ADAMTS19: variants seen among roughly 807,000 people sequenced by gnomAD.
ADAMTS19 encodes the protein ADAM metallopeptidase with thrombospondin type 1 motif 19.
ADAMTS19 carries 93 observed loss-of-function variants against 153.3 expected under a neutral mutation model. The observed-to-expected ratio is 0.61, with a 90% CI of 0.51 to 0.72. The LOEUF (loss-of-function observed/expected upper bound fraction) is 0.72, where lower values mean the gene tolerates loss of function less well. Ranked by LOEUF, ADAMTS19 falls within the 30% of genes least tolerant of loss-of-function variation. The probability of loss-of-function intolerance (pLI) is 0.00; values close to 1 mark genes in which losing one functional copy is unlikely to be tolerated. For missense variants in ADAMTS19, 1,482 were observed against 1,552.1 expected (o/e 0.95, Z 0.76); for synonymous variants, 600 against 556.6 (o/e 1.08, Z -1.10).
intron 2 of ADAMTS19, among the ~76,000 whole-genome samples, chr5:129,494,113 T>G (rs1275306218): frequency 6.6e-6 from 1 of 152,194 alleles, no homozygotes; most frequent in East Asian, 1.9e-4. Flanking sequence ...CCATAAAAAT[T>G]ATATTGCTTT....
chr5:129,639,204 G>A (rs916024366), intron 10 of ADAMTS19, among the ~76,000 whole-genome samples: 1 of 152,256 alleles, frequency 6.6e-6, no homozygotes, highest in Middle Eastern at 3.4e-3. Context: ...CATATGGACA[G>A]TGTTTGTCTC....
At chr5:129,687,606 T>A (rs916420269) in intron 18 of ADAMTS19, among the ~76,000 whole-genome samples, 1 of 152,184 alleles carries the variant, frequency 6.6e-6, no homozygotes, top group African/African-American at 2.4e-5. Flanking sequence ...TTCTTAAACA[T>A]AACTTCTTAA....
chr5:129,477,047 T>G (rs1325329384), intron 2 of ADAMTS19, among the ~76,000 whole-genome samples: 2 of 152,168 alleles, frequency 1.3e-5, no homozygotes, highest in Non-Finnish European at 2.9e-5. Flanking sequence ...TAATAATATA[T>G]ATAGATATAC....
In ADAMTS19 at chr5:129,684,125, C is replaced by T. The variant is rs748344561; in HGVS notation, c.2670C>T (p.Leu890=). Residue 890 remains leucine, a synonymous_variant, in exon 18 of 23, where the codon CTC becomes CTT. Coordinates refer to ENST00000274487, the MANE Select transcript of ADAMTS19 (RefSeq NM_133638.6). ...PTTAPLHLLV[L]LFQDQNYGLH... ...ATCATTTTTGTATACTATAGGTGCT[C>T]CTGTTTCAGGATCAGAATTATGGTC... The T allele has an allele frequency of 3.1e-6, 5 of 1,613,520 alleles. No individual in the cohort carries two copies. In the Admixed American group the frequency reaches 5.0e-5, roughly 16 times the overall value.
chr5:129,585,813 T>C (rs1212188495), intron 7 of ADAMTS19, among the ~76,000 whole-genome samples: 1 of 152,230 alleles, frequency 6.6e-6, no homozygotes, highest in Non-Finnish European at 1.5e-5. Context: ...GCCATTTCAT[T>C]ATTTCCAGCT....
chr5:129,736,323 G>GA (rs1322840712), intron 22 of ADAMTS19, among the ~76,000 whole-genome samples: 1 of 151,984 alleles, frequency 6.6e-6, no homozygotes, highest in Admixed American at 6.6e-5. Context: ...CAATGGTTAG[G>GA]AAAATCTAAG....
chr5:129,658,340 A>AG lies in ADAMTS19; in HGVS notation c.2305-276dup, dbSNP rs1753658745. On this transcript the variant is annotated intron_variant, in intron 14 of 22. Coordinates refer to ENST00000274487, the MANE Select transcript of ADAMTS19 (RefSeq NM_133638.6). The stretch of plus-strand genomic sequence containing the variant: ...AAGAAAGAAAGAAAGAAAGAAAGAA[A>AG]GAAAGAAAGAAAGAAAGAAAGAAAG... Among the ~76,000 whole-genome samples the AG allele has an allele frequency of 2.1e-5, 3 of 144,594 alleles. 1 individual carries two copies. Among genetic ancestry groups the AG allele is most frequent in the African/African-American group, 7.8e-5 (3 of 38,476 alleles). 94.9% of individuals were successfully genotyped at this position (144,594 alleles called of 152,430 possible).
chr5:129,462,085 G>C lies in ADAMTS19; in HGVS notation c.747+328G>C, dbSNP rs964573792. Among the ~76,000 whole-genome samples the C allele has an allele frequency of 1.1e-4, 17 of 152,268 alleles. No individual in the cohort carries two copies. In the Middle Eastern group the frequency reaches 0.014, roughly 122 times the overall value. ...TGTTCTCCAGAGTTTTCCAAACTAA[G>C]CGCTCCACGTGATGTCTTTTAGGAA... On this transcript the variant is annotated intron_variant, in intron 2 of 22. Transcript: ENST00000274487.
intron 11 of ADAMTS19, 27 bp from the exon 12 acceptor site, chr5:129,647,738 T>C (rs761905747): frequency 6.2e-7 from 1 of 1,608,386 alleles, no homozygotes. Flanking sequence ...CCTGATTTGT[T>C]CACCTAAGAC....
At chr5:129,666,047 TA>T (rs1754040463) in intron 16 of ADAMTS19, among the ~76,000 whole-genome samples, 1 of 151,358 alleles carries the variant, frequency 6.6e-6, no homozygotes, top group South Asian at 2.1e-4. Context: ...ATGTTCTACA[TA>T]CTAAAGGACT....
intron 6 of ADAMTS19, among the ~76,000 whole-genome samples, chr5:129,536,587 A>G (rs185704711): frequency 1.6e-3 from 241 of 152,342 alleles, no homozygotes; most frequent in African/African-American, 5.4e-3. Context: ...ACTGTAAATC[A>G]TGCTGCTATA....
chr5:129,551,871 T>G lies in ADAMTS19; in HGVS notation c.1336T>G (p.Phe446Val). 6.3e-7 allele frequency: 1 copy of G among 1,577,434 alleles called. No homozygotes were observed. Among genetic ancestry groups the G allele is most frequent in the Non-Finnish European group, 8.6e-7 (1 of 1,163,072 alleles). Residue 446 changes from phenylalanine to valine, a missense_variant, in exon 7 of 23, where the codon TTC (phenylalanine) becomes GTC (valine). Phe to Val is a conservative substitution (Grantham distance 50). Transcript: ENST00000274487. ...TTCTATTTTTCTTTCTAGGAAAGATTTCTGTGTGCACAAAGATGAACCATG... is the reference window on the plus strand; with the variant it reads ...TTCTATTTTTCTTTCTAGGAAAGATGTCTGTGTGCACAAAGATGAACCATG... ...DAAILITRKD[F>V]CVHKDEPCDT...
chr5:129,734,459 G>A (rs1757581277), intron 21 of ADAMTS19, among the ~76,000 whole-genome samples: 1 of 151,772 alleles, frequency 6.6e-6, no homozygotes, highest in Non-Finnish European at 1.5e-5. Flanking sequence ...AACATTTTAA[G>A]GCCAGAGAAA....
chr5:129,536,252 T>G (rs190393732), intron 6 of ADAMTS19, among the ~76,000 whole-genome samples: 17,250 of 151,842 alleles, frequency 0.11, 1,062 homozygotes, highest in Middle Eastern at 0.16. Context: ...GTGGGCAAAG[T>G]ATATGAACAG....
At chr5:129,628,642 GA>G (rs1752160433) in intron 10 of ADAMTS19, among the ~76,000 whole-genome samples, 1 of 152,016 alleles carries the variant, frequency 6.6e-6, no homozygotes, top group Non-Finnish European at 1.5e-5. Context: ...TATAACTGTA[GA>G]AGACTGAAAA....
At chr5:129,492,506 A>T (rs1750799261) in intron 2 of ADAMTS19, among the ~76,000 whole-genome samples, 1 of 146,352 alleles carries the variant, frequency 6.8e-6, no homozygotes, top group Non-Finnish European at 1.5e-5. Context: ...ATTAAAGGTC[A>T]GTGTGTGTGT....
At chr5:129,543,727 G>A (rs1238395124) in intron 6 of ADAMTS19, among the ~76,000 whole-genome samples, 7 of 152,126 alleles carry the variant, frequency 4.6e-5, no homozygotes, top group Admixed American at 4.6e-4. Context: ...ATGCAAGCGG[G>A]CCTGAGTCTT....
chr5:129,713,275 C>T (rs921541328), intron 21 of ADAMTS19, among the ~76,000 whole-genome samples: 2 of 152,118 alleles, frequency 1.3e-5, no homozygotes, highest in Non-Finnish European at 2.9e-5. Context: ...AAATTATAAG[C>T]AGTAGTCTTA....
chr5:129,590,781 TG>T (rs1287920007), intron 7 of ADAMTS19, among the ~76,000 whole-genome samples: 1 of 152,192 alleles, frequency 6.6e-6, no homozygotes, highest in Non-Finnish European at 1.5e-5. Flanking sequence ...ATCATGTAAA[TG>T]GGTTTCATAT....
Sources: gnomAD v4.1 joint callset for allele counts (sites outside exome capture counted in the v4.1 genomes callset) on GRCh38, gnomAD v4.1.1 for gene constraint, MANE v1.5 for transcripts, NCBI Gene and HGNC (gene_info 2026-07-23, HGNC 2026-07-21) for gene names.